The following GREB1L variants were observed in gnomAD, a reference collection of about 807,000 sequenced individuals.
GREB1L encodes GREB1 like retinoic acid receptor coactivator.
A neutral mutation model predicts 200.8 loss-of-function variants in GREB1L; 17 were observed. That is an observed-to-expected ratio of 0.08 (90% confidence interval 0.06 to 0.13). GREB1L has a LOEUF of 0.13. Ranked by LOEUF, GREB1L falls within the 10% of genes least tolerant of loss-of-function variation. The pLI is 1.00. For missense variants in GREB1L, 1,657 were observed against 2,367.7 expected, an observed-to-expected ratio of 0.70 and a Z score of 6.23; for synonymous variants, 789 against 893.0, an observed-to-expected ratio of 0.88 and a Z score of 2.08.
chr18:21,403,959 C>A lies in GREB1L; in HGVS notation c.797C>A (p.Thr266Lys). The change falls in exon 7 of 33, where the codon ACA becomes AAA. Residue 266 changes from threonine to lysine, a missense_variant. Around this residue, in one of 9 missense-constraint regions of GREB1L, gnomAD observed 289 missense variants for 345.1 expected, o/e 0.84. Coordinates refer to ENST00000424526, the MANE Select transcript of GREB1L (RefSeq NM_001142966.3). ...TCAACTGTGACCCCAGAAAATGGGA[C>A]AACTAATGGATACAAATCAGGATTC... ...VSSTVTPENG[T>K]TNGYKSGFTQ... is the part of the protein sequence containing the mutation. The A allele has an allele frequency of 1.3e-6, 2 of 1,551,194 alleles. No homozygotes were observed. The highest frequency in any genetic ancestry group is 1.7e-6 in the Non-Finnish European group (2 of 1,146,204).
At chr18:21,300,808 T>G (rs1032359185) in intron 1 of GREB1L, among the ~76,000 whole-genome samples, 4 of 152,070 alleles carry the variant, frequency 2.6e-5, no homozygotes, top group Admixed American at 2.6e-4. Flanking sequence ...ACACACACCA[T>G]CCGTGTGTGA....
intron 1 of GREB1L, among the ~76,000 whole-genome samples, chr18:21,331,797 C>T (rs979278140): frequency 5.3e-5 from 8 of 152,092 alleles, no homozygotes; most frequent in African/African-American, 1.7e-4. Flanking sequence ...AAAAATTGTA[C>T]AGAAGATTAA....
intron 1 of GREB1L, among the ~76,000 whole-genome samples, chr18:21,355,283 T>C (rs574085925): frequency 6.6e-6 from 1 of 151,074 alleles, no homozygotes; most frequent in African/African-American, 2.4e-5. Flanking sequence ...AACCTCCACC[T>C]CCCAAGTTCA....
rs772958267 is a variant in GREB1L, at chr18:21,508,638, G to A, written c.4735+47G>A. The A allele has an allele frequency of 2.0e-6, 3 of 1,471,154 alleles. No homozygotes were observed. The South Asian group carries it at 3.6e-5, about 18-fold the overall frequency. 91.1% of individuals were successfully genotyped at this position (1,471,154 alleles called of 1,614,324 possible). Reference sequence around the variant, plus strand: ...GGGAGAAGGGCTTCGAAGATAAACTGAGCTCCATTCCCCTGGCATGAAACT... The same window carrying A: ...GGGAGAAGGGCTTCGAAGATAAACTAAGCTCCATTCCCCTGGCATGAAACT... On this transcript the variant is annotated intron_variant, in intron 27 of 32. Transcript: ENST00000424526.
intron 27 of GREB1L, 77 bp downstream of exon 27, chr18:21,508,668 G>C: frequency 3.9e-6 from 4 of 1,037,698 alleles, no homozygotes; most frequent in Non-Finnish European, 5.6e-6. Context: ...GAAACTTTCA[G>C]ATTCCCCTGC....
At chr18:21,501,948 C>T (rs754333634) in intron 23 of GREB1L, among the ~76,000 whole-genome samples, 22 of 152,284 alleles carry the variant, frequency 1.4e-4, no homozygotes, top group Admixed American at 2.6e-4. Flanking sequence ...TCCACTCTGC[C>T]GCTAAGAGCA....
intron 32 of GREB1L, among the ~76,000 whole-genome samples, chr18:21,521,856 T>C (rs1413830573): frequency 1.3e-5 from 2 of 151,308 alleles, no homozygotes; most frequent in African/African-American, 4.9e-5. Context: ...TACAAAAAAT[T>C]AGCTGGGAGT....
intron 2 of GREB1L, among the ~76,000 whole-genome samples, chr18:21,376,627 A>G (rs2040083512): frequency 6.7e-6 from 1 of 150,308 alleles, no homozygotes; most frequent in South Asian, 2.1e-4. Context: ...ACACGGTGAA[A>G]CCCCATCTCT....
At chr18:21,444,636 G>C (rs560004976) in intron 11 of GREB1L, among the ~76,000 whole-genome samples, 2 of 151,766 alleles carry the variant, frequency 1.3e-5, no homozygotes, top group South Asian at 4.2e-4. Flanking sequence ...GAGATGAATT[G>C]CACCACCTAG....
Position 21,522,841 on chromosome 18 carries a change from C to A in GREB1L, c.*20C>A. 1 of 1,528,476 alleles carries A rather than the reference C, an allele frequency of 6.5e-7. No homozygotes were observed. The highest frequency in any genetic ancestry group is 2.1e-5 in the Admixed American group (1 of 46,640). 94.7% of individuals were successfully genotyped at this position (1,528,476 alleles called of 1,614,324 possible). On this transcript the variant is annotated 3_prime_UTR_variant, in exon 33 of 33. Transcript: ENST00000424526. ...GTATGAGCTTTTGAAGAGACCAAAA[C>A]AGCAAAAAGATGCCTAGGTGGGATG...
chr18:21,323,346 T>TA (rs1384582557), intron 1 of GREB1L, among the ~76,000 whole-genome samples: 2 of 151,256 alleles, frequency 1.3e-5, no homozygotes, highest in African/African-American at 4.9e-5. Flanking sequence ...GACAAAAGAG[T>TA]AACTGGAAAA....
chr18:21,426,102 G>A (rs2032548266), intron 7 of GREB1L, among the ~76,000 whole-genome samples: 1 of 149,610 alleles, frequency 6.7e-6, no homozygotes, highest in Admixed American at 6.7e-5. Context: ...TGTCACCCAG[G>A]TTGGAGTGCA....
intron 15 of GREB1L, among the ~76,000 whole-genome samples, chr18:21,468,044 T>C (rs1289096865): frequency 7.0e-6 from 1 of 142,412 alleles, no homozygotes; most frequent in African/African-American, 2.6e-5. Flanking sequence ...AAAAAAAAGA[T>C]ACGAAATGAG....
intron 1 of GREB1L, among the ~76,000 whole-genome samples, chr18:21,343,689 C>T (rs2143049802): frequency 6.6e-6 from 1 of 151,882 alleles, no homozygotes; most frequent in South Asian, 2.1e-4. Context: ...GTCCTCGCTA[C>T]CTCTTAATGA....
intron 1 of GREB1L, among the ~76,000 whole-genome samples, chr18:21,279,679 C>T (rs1177671707): frequency 1.3e-5 from 2 of 151,964 alleles, no homozygotes; most frequent in Non-Finnish European, 1.5e-5. Flanking sequence ...TGCTATGTTG[C>T]CCAGGCTGGA....
chr18:21,507,239 A>G (rs1391277435), intron 25 of GREB1L, among the ~76,000 whole-genome samples: 1 of 152,260 alleles, frequency 6.6e-6, no homozygotes, highest in Non-Finnish European at 1.5e-5. Flanking sequence ...ATAGGTTTTT[A>G]GAAAATCTCT....
intron 32 of GREB1L, among the ~76,000 whole-genome samples, chr18:21,521,741 C>T (rs187108298): frequency 7.2e-5 from 11 of 151,970 alleles, no homozygotes; most frequent in African/African-American, 2.2e-4. Context: ...TGATGGCTCA[C>T]GCCTGTAATC....
chr18:21,521,863 G>A (rs190357053), intron 32 of GREB1L, among the ~76,000 whole-genome samples: 49 of 151,944 alleles, frequency 3.2e-4, no homozygotes, highest in Non-Finnish European at 7.4e-5. Flanking sequence ...AATTAGCTGG[G>A]AGTGGTGGCG....
chr18:21,432,514 A>G (rs1358060113), intron 7 of GREB1L, among the ~76,000 whole-genome samples: 1 of 150,436 alleles, frequency 6.6e-6, no homozygotes, highest in East Asian at 1.9e-4. Context: ...GTACAACTTT[A>G]TTTTTTTCCT....
Sources: gnomAD v4.1 joint callset for allele counts (sites outside exome capture counted in the v4.1 genomes callset) on GRCh38, gnomAD v4.1.1 for gene constraint, gnomAD v4.1.1 regional missense constraint, MANE v1.5 for transcripts, NCBI Gene and HGNC (gene_info 2026-07-23, HGNC 2026-07-21) for gene names.